STAU2: variants seen among roughly 807,000 people sequenced by gnomAD.
STAU2 encodes the protein staufen double-stranded RNA binding protein 2, also known as double-stranded RNA-binding protein Staufen homolog 2.
A neutral mutation model predicts 65.9 loss-of-function variants in STAU2; 20 were observed. The observed-to-expected ratio is 0.30, with a 90% confidence interval of 0.21 to 0.44. STAU2 has a LOEUF of 0.44. STAU2 is among the 20% of genes least tolerant of loss of function. The pLI is 1.00. For synonymous variants in STAU2, 232 were observed against 233.9 expected (o/e 0.99, Z 0.07); for missense variants, 558 against 683.9 (o/e 0.82, Z 2.05).
At chr8:73,448,833 C>A (rs1169400099) in intron 13 of STAU2, among the ~76,000 whole-genome samples, 1 of 152,278 alleles carries the variant, frequency 6.6e-6, no homozygotes, top group Non-Finnish European at 1.5e-5. Flanking sequence ...CGCGTGCCTG[C>A]ACTGTGGGAA....
chr8:73,740,029 G>C (rs981706654), intron 1 of STAU2, among the ~76,000 whole-genome samples, 161 bp from the exon 2 acceptor site: 6 of 152,184 alleles, frequency 3.9e-5, no homozygotes, highest in Non-Finnish European at 7.3e-5. Flanking sequence ...ACTGAGAAAA[G>C]CCTCTGGCCA....
chr8:73,433,200 C>T (rs980203172), intron 13 of STAU2, among the ~76,000 whole-genome samples: 6 of 151,938 alleles, frequency 3.9e-5, no homozygotes, highest in Non-Finnish European at 1.5e-5. Context: ...TGGGTTTTGT[C>T]ATTTATTTAT....
intron 6 of STAU2, among the ~76,000 whole-genome samples, chr8:73,667,935 A>C (rs760732910): frequency 5.8e-4 from 88 of 152,348 alleles, no homozygotes; most frequent in Non-Finnish European, 1.2e-3. Context: ...AATTTTCTCT[A>C]AAAATCTTTG....
intron 13 of STAU2, among the ~76,000 whole-genome samples, chr8:73,519,463 G>T (rs1822925799): frequency 2.0e-5 from 3 of 152,124 alleles, no homozygotes; most frequent in Admixed American, 2.0e-4. Flanking sequence ...CACGAAAAAT[G>T]TACTCATATG....
At chr8:73,527,911 T>C (rs1805550188) in intron 13 of STAU2, 4 of 80,920 alleles carry the variant, frequency 4.9e-5, no homozygotes, top group Non-Finnish European at 8.7e-5. Context: ...ACTTTAAATA[T>C]TTAAAACCTT....
At chr8:73,632,454 A>T (rs929120635) in intron 6 of STAU2, among the ~76,000 whole-genome samples, 1 of 152,234 alleles carries the variant, frequency 6.6e-6, no homozygotes, top group Non-Finnish European at 1.5e-5. Flanking sequence ...GAAAGAATGC[A>T]TCTTAAGCAA....
chr8:73,447,226 G>C (rs1818514945), intron 13 of STAU2, among the ~76,000 whole-genome samples: 1 of 152,230 alleles, frequency 6.6e-6, no homozygotes, highest in South Asian at 2.1e-4. Context: ...TTACAGGCAT[G>C]AGCCACCGCA....
At chr8:73,590,468 A>G (rs1167545096) in intron 11 of STAU2, 1 of 152,188 alleles carries the variant, frequency 6.6e-6, no homozygotes, top group Non-Finnish European at 1.5e-5. Context: ...CCAGAATCCT[A>G]TATCCAGAAA....
At chr8:73,513,531 TCA>T (rs1167769314) in intron 13 of STAU2, among the ~76,000 whole-genome samples, 14 of 152,306 alleles carry the variant, frequency 9.2e-5, no homozygotes, top group African/African-American at 3.1e-4. Flanking sequence ...TGTGCAGATT[TCA>T]CAGTCATCCA....
intron 13 of STAU2, among the ~76,000 whole-genome samples, chr8:73,442,198 C>G (rs1818201485): frequency 6.6e-6 from 1 of 151,468 alleles, no homozygotes. Flanking sequence ...ACTAAAAATA[C>G]AAAAAATTAG....
chr8:73,644,237 C>T (rs1815193585), intron 6 of STAU2, among the ~76,000 whole-genome samples: 1 of 151,984 alleles, frequency 6.6e-6, no homozygotes, highest in South Asian at 2.1e-4. Context: ...AAATAAAATA[C>T]AATATATCAA....
intron 6 of STAU2, among the ~76,000 whole-genome samples, chr8:73,639,433 T>A: frequency 6.6e-6 from 1 of 152,074 alleles, no homozygotes; most frequent in South Asian, 2.1e-4. Flanking sequence ...GGGAGATGAA[T>A]GAGATGCTAA....
intron 11 of STAU2, among the ~76,000 whole-genome samples, chr8:73,585,310 G>A (rs914640669): frequency 3.9e-5 from 6 of 152,236 alleles, no homozygotes; most frequent in East Asian, 1.9e-4. Context: ...GAGAAACCCC[G>A]TCTCTACTAA....
chr8:73,476,441 C>T (rs1296918572), intron 13 of STAU2, among the ~76,000 whole-genome samples: 2 of 152,164 alleles, frequency 1.3e-5, no homozygotes, highest in Non-Finnish European at 2.9e-5. Flanking sequence ...TGCTCTAACT[C>T]ACTTGCTATA....
intron 4 of STAU2, among the ~76,000 whole-genome samples, chr8:73,695,207 C>T (rs1819618748): frequency 6.6e-6 from 1 of 152,186 alleles, no homozygotes; most frequent in South Asian, 2.1e-4. Context: ...TATCTACTTC[C>T]TTCTGCTTAA....
chr8:73,735,929 ATAAT>A (rs2130768921), intron 3 of STAU2, among the ~76,000 whole-genome samples: 1 of 152,366 alleles, frequency 6.6e-6, no homozygotes, highest in African/African-American at 2.4e-5. Flanking sequence ...TTGTAACCAA[ATAAT>A]TAATGGCAGG....
chr8:73,552,289 T>C lies in STAU2; in HGVS notation c.1253A>G (p.Asp418Gly). 6.2e-7 allele frequency: 1 copy of C among 1,613,182 alleles called. No homozygotes were observed. The highest frequency in any genetic ancestry group is 8.5e-7 in the Non-Finnish European group (1 of 1,179,550). The change falls in exon 13 of 15, where the codon GAT becomes GGT. Residue 418 changes from aspartate to glycine, a missense_variant. Transcript: ENST00000524300. ...TPKGILHLSP[D>G]VYQEMEASRH... ...GCTGGCTTCCATCTCTTGATAAACATCAGGAGACAAATGAAGAATTCCTTT... is the reference window on the plus strand; with the variant it reads ...GCTGGCTTCCATCTCTTGATAAACACCAGGAGACAAATGAAGAATTCCTTT...
chr8:73,571,152 C>T (rs1272330052), intron 12 of STAU2, among the ~76,000 whole-genome samples: 4 of 152,018 alleles, frequency 2.6e-5, no homozygotes, highest in African/African-American at 9.7e-5. Context: ...ACAAAGAAGG[C>T]CATTACATAA....
intron 6 of STAU2, among the ~76,000 whole-genome samples, chr8:73,634,098 T>C (rs1311070572): frequency 6.6e-6 from 1 of 152,190 alleles, no homozygotes; most frequent in African/African-American, 2.4e-5. Context: ...ACCTCATTCA[T>C]AATCAAAGAA....
Sources: gnomAD v4.1 joint callset for allele counts (sites outside exome capture counted in the v4.1 genomes callset) on GRCh38, gnomAD v4.1.1 for gene constraint, MANE v1.5 for transcripts, NCBI Gene and HGNC (gene_info 2026-07-23, HGNC 2026-07-21) for gene names.